ASB4: variants seen among roughly 807,000 people sequenced by gnomAD.
The protein encoded by ASB4 is ankyrin repeat and SOCS box protein 4.
Under a neutral mutation model 38.6 loss-of-function variants are expected in ASB4, and 35 were observed. That is an observed-to-expected ratio of 0.91 (90% CI 0.69 to 1.20). The LOEUF is 1.20. Among genes scored for constraint, ASB4 ranks in the 50% most tolerant of loss-of-function variants. The pLI is 0.00. For missense variants in ASB4, 557 were observed against 527.2 expected, an observed-to-expected ratio of 1.06 and a Z score of -0.55; for synonymous variants, 195 against 201.3, an observed-to-expected ratio of 0.97 and a Z score of 0.26.
In ASB4 at chr7:95,527,976, C is replaced by T; in HGVS notation, c.651C>T (p.Tyr217=). The change falls in exon 3 of 5, where the codon TAC becomes TAT. Residue 217 remains tyrosine (Y), a synonymous_variant. Coordinates refer to ENST00000325885, the MANE Select transcript of ASB4 (RefSeq NM_016116.3). ...AGACCCCCCTGGCCATCGCCGCCTA[C>T]TGGGCCCTCCGCTTTAAGGAGCAGG... The part of the protein sequence containing the change: ...HMETPLAIAA[Y]WALRFKEQEY... 6.2e-7 allele frequency: 1 copy of T among 1,614,158 alleles called. No individual in the cohort carries two copies. The highest frequency in any genetic ancestry group is 8.5e-7 in the Non-Finnish European group (1 of 1,180,040).
chr7:95,515,186 TTTC>T (rs1790543586), intron 2 of ASB4, among the ~76,000 whole-genome samples: 7 of 122,300 alleles, frequency 5.7e-5, no homozygotes, highest in African/African-American at 2.6e-4. Context: ...TCTTTCTTTC[TTTC>T]TTTCTTTCTT....
chr7:95,502,060 T>C lies in ASB4; in HGVS notation c.487+6003T>C, dbSNP rs1790346155. 4.0e-5 allele frequency among the ~76,000 whole-genome samples: 6 copies of C among 151,286 alleles called. No individual in the cohort carries two copies. The South Asian group carries it at 1.3e-3, about 32-fold the overall frequency. On this transcript the variant is annotated intron_variant, in intron 2 of 4. Coordinates refer to ENST00000325885, the MANE Select transcript of ASB4 (RefSeq NM_016116.3). ...TATTTGAGACTATATGACAAAGGGC[T>C]TACTATACGCAGAAGTTTTTCAATT...
intron 2 of ASB4, among the ~76,000 whole-genome samples, chr7:95,510,154 A>G (rs1790460526): frequency 6.6e-6 from 1 of 152,116 alleles, no homozygotes; most frequent in Non-Finnish European, 1.5e-5. Context: ...GCAGCTGGGT[A>G]TATTAGAAGT....
intron 1 of ASB4, among the ~76,000 whole-genome samples, chr7:95,487,427 A>G (rs1189854065): frequency 1.3e-5 from 2 of 152,212 alleles, no homozygotes; most frequent in East Asian, 1.9e-4. Flanking sequence ...GATGTTTTTA[A>G]AAAGCTTATA....
At position 95,527,864 on chromosome 7, in the gene ASB4, A is replaced by G; in HGVS notation, c.539A>G (p.His180Arg). ...TNNQDEETPLHTAAHFGLSEL... is the reference protein window; with the variant it reads ...TNNQDEETPLRTAAHFGLSEL... ...AACCAAGATGAGGAGACGCCCTTGC[A>G]CACGGCTGCCCACTTCGGCCTTTCG... Residue 180 changes from histidine to arginine, a missense_variant, in exon 3 of 5, where the codon CAC becomes CGC. His to Arg is a conservative substitution (Grantham distance 29). Transcript: ENST00000325885. 6.2e-7 allele frequency: 1 copy of G among 1,612,878 alleles called. No homozygotes were observed. The highest frequency in any genetic ancestry group is 1.1e-5 in the South Asian group (1 of 91,048).
intron 2 of ASB4, among the ~76,000 whole-genome samples, chr7:95,496,397 A>G (rs1790248825): frequency 6.6e-6 from 1 of 152,244 alleles, no homozygotes; most frequent in South Asian, 2.1e-4. Flanking sequence ...GGAGACAAAT[A>G]TTAACAAAAT....
At chr7:95,498,034 A>G (rs1445954755) in intron 2 of ASB4, among the ~76,000 whole-genome samples, 2 of 152,186 alleles carry the variant, frequency 1.3e-5, no homozygotes, top group African/African-American at 2.4e-5. Flanking sequence ...TCTCTTATAT[A>G]AATACCTAGG....
intron 1 of ASB4, among the ~76,000 whole-genome samples, chr7:95,494,554 A>T (rs1056176724): frequency 6.6e-6 from 1 of 152,148 alleles, no homozygotes; most frequent in Non-Finnish European, 1.5e-5. Flanking sequence ...GTTAAAATTT[A>T]TTTTGTTGTT....
At chr7:95,489,255 A>G (rs781178157) in intron 1 of ASB4, among the ~76,000 whole-genome samples, 10 of 152,198 alleles carry the variant, frequency 6.6e-5, no homozygotes, top group African/African-American at 1.4e-4. Flanking sequence ...TGAAATGTGT[A>G]TTTTGTGAGG....
chr7:95,524,713 T>C (rs879631707), intron 2 of ASB4, among the ~76,000 whole-genome samples: 3 of 152,162 alleles, frequency 2.0e-5, no homozygotes, highest in Non-Finnish European at 2.9e-5. Context: ...GGTTGTTCCC[T>C]ATTGCAGTAT....
intron 2 of ASB4, among the ~76,000 whole-genome samples, chr7:95,507,741 T>C (rs1259337556): frequency 2.0e-5 from 3 of 152,170 alleles, no homozygotes; most frequent in Non-Finnish European, 4.4e-5. Context: ...TTCATGATCA[T>C]TACCAGTAAA....
At chr7:95,522,818 CTCT>C (rs1321341822) in intron 2 of ASB4, among the ~76,000 whole-genome samples, 1 of 152,198 alleles carries the variant, frequency 6.6e-6, no homozygotes, top group Non-Finnish European at 1.5e-5. Flanking sequence ...TGAAAATTCC[CTCT>C]TCTTTATCAT....
intron 3 of ASB4, among the ~76,000 whole-genome samples, chr7:95,535,558 G>A (rs1001980545): frequency 3.9e-5 from 6 of 152,180 alleles, no homozygotes; most frequent in African/African-American, 1.4e-4. Context: ...CTGGGAGTCA[G>A]GAATGCCTTT....
Position 95,513,831 on chromosome 7 carries a change from A to G in ASB4, c.488-13982A>G, listed in dbSNP as rs571285835. 3.3e-5 allele frequency among the ~76,000 whole-genome samples: 5 copies of G among 152,268 alleles called. No individual in the cohort carries two copies. In the East Asian group the frequency reaches 9.7e-4, roughly 29 times the overall value. On this transcript the variant is annotated intron_variant, in intron 2 of 4. Coordinates refer to ENST00000325885, the MANE Select transcript of ASB4 (RefSeq NM_016116.3). ...CTCACCTACCCACCCTAGGCATCCT[A>G]GGCATTACTATCTGCTATAATGTAA... is the stretch of plus-strand genomic sequence containing the variant.
chr7:95,511,283 A>C (rs1790477277), intron 2 of ASB4, among the ~76,000 whole-genome samples: 1 of 151,972 alleles, frequency 6.6e-6, no homozygotes, highest in African/African-American at 2.4e-5. Flanking sequence ...TGAACGCTGC[A>C]GGGAAGGCCC....
intron 1 of ASB4, among the ~76,000 whole-genome samples, chr7:95,488,401 C>T (rs1345323451): frequency 6.6e-6 from 1 of 152,102 alleles, no homozygotes; most frequent in Non-Finnish European, 1.5e-5. Flanking sequence ...ACCTTATCAT[C>T]GATCCTTTTA....
At chr7:95,516,442 C>A (rs930340548) in intron 2 of ASB4, among the ~76,000 whole-genome samples, 10 of 152,052 alleles carry the variant, frequency 6.6e-5, no homozygotes, top group African/African-American at 2.4e-4. Context: ...GAAAGATATC[C>A]TTTCTTTAAG....
chr7:95,547,507 T>A, the ASB4 span, among the ~76,000 whole-genome samples: 1 of 152,238 alleles, frequency 6.6e-6, no homozygotes, highest in Non-Finnish European at 1.5e-5. Context: ...TGTTCCATCC[T>A]GTGAATATAC....
chr7:95,494,477 A>G (rs980368229), intron 1 of ASB4, among the ~76,000 whole-genome samples: 1 of 152,214 alleles, frequency 6.6e-6, no homozygotes, highest in Non-Finnish European at 1.5e-5. Flanking sequence ...ATTAAATCAT[A>G]TTCTGCTTAC....
Sources: allele counts gnomAD v4.1 joint callset (sites outside exome capture counted in the v4.1 genomes callset), GRCh38; gene constraint gnomAD v4.1.1; transcripts MANE v1.5; gene names NCBI Gene and HGNC (gene_info 2026-07-23, HGNC 2026-07-21).